Variants in ALDH1L2 observed in about 807,000 individuals in gnomAD.
ALDH1L2 encodes aldehyde dehydrogenase 1 family member L2.
Under a neutral mutation model 111.0 loss-of-function variants are expected in ALDH1L2, and 91 were observed. The observed-to-expected ratio is 0.82, with a 90% CI of 0.69 to 0.98. The LOEUF (loss-of-function observed/expected upper bound fraction) is 0.98, where lower values mean the gene tolerates loss of function less well. Among genes scored for constraint, ALDH1L2 ranks in the 50% least tolerant of loss-of-function variants. The probability of loss-of-function intolerance (pLI) is 0.00; values close to 1 mark genes in which losing one functional copy is unlikely to be tolerated. For synonymous variants in ALDH1L2, 374 were observed against 392.6 expected, an observed-to-expected ratio of 0.95 and a Z score of 0.56; for missense variants, 995 against 1,126.8, an observed-to-expected ratio of 0.88 and a Z score of 1.67.
intron 2 of ALDH1L2, among the ~76,000 whole-genome samples, chr12:105,071,251 C>G (rs1372766913): frequency 6.6e-6 from 1 of 152,180 alleles, no homozygotes; most frequent in African/African-American, 2.4e-5. Context: ...ACACATTCTC[C>G]CTGCCAAACA....
At chr12:105,050,632 C>T (rs118150892) in intron 12 of ALDH1L2, 7,939 of 443,272 alleles carry the variant, frequency 0.018, 262 homozygotes, top group Admixed American at 0.096. Context: ...CCTTTGGGGC[C>T]ACTCTAGAGT....
chr12:105,079,370 A>T (rs1457741633), intron 1 of ALDH1L2, among the ~76,000 whole-genome samples: 2 of 152,234 alleles, frequency 1.3e-5, no homozygotes, highest in African/African-American at 4.8e-5. Context: ...CATTATATAA[A>T]GAAGATATCA....
At chr12:105,054,605 T>C (rs1004565352) in intron 10 of ALDH1L2, among the ~76,000 whole-genome samples, 3 of 152,204 alleles carry the variant, frequency 2.0e-5, no homozygotes, top group Admixed American at 6.5e-5. Context: ...CTGGAGCTCT[T>C]CACAAGCCTC....
At chr12:105,064,115 T>C (rs1277285540) in intron 6 of ALDH1L2, among the ~76,000 whole-genome samples, 1 of 11,144 alleles carries the variant, frequency 9.0e-5, no homozygotes, top group African/African-American at 3.9e-4. Context: ...CACACCGAGC[T>C]TTTTTTTTTT....
chr12:105,084,277 A>G, intron 1 of ALDH1L2, 112 bp downstream of exon 1: 2 of 1,226,438 alleles, frequency 1.6e-6, no homozygotes, highest in Non-Finnish European at 1.1e-6. Context: ...GGTGTTTAGC[A>G]AAGTCTAAGC....
intron 6 of ALDH1L2, among the ~76,000 whole-genome samples, chr12:105,063,292 C>T (rs987723840): frequency 4.6e-5 from 7 of 152,012 alleles, no homozygotes; most frequent in Non-Finnish European, 8.8e-5. Context: ...TTGGCTAACA[C>T]GGTGAAACCC....
At chr12:105,044,690 C>CA (rs1875737396) in intron 15 of ALDH1L2, among the ~76,000 whole-genome samples, 1 of 151,074 alleles carries the variant, frequency 6.6e-6, no homozygotes, top group Admixed American at 6.6e-5. Flanking sequence ...TATCTTTTAA[C>CA]TGAGGGATTC....
chr12:105,058,028 A>G (rs983878248), intron 10 of ALDH1L2, 45 bp downstream of exon 10: 1 of 1,588,578 alleles, frequency 6.3e-7, no homozygotes, highest in Non-Finnish European at 8.5e-7. Flanking sequence ...TTTATAGTGT[A>G]TGGATCTCAC....
chr12:105,052,343 G>T, intron 11 of ALDH1L2, 126 bp from the exon 12 acceptor site: 1 of 969,540 alleles, frequency 1.0e-6, no homozygotes, highest in Non-Finnish European at 1.4e-6. Context: ...TAAGAAATGA[G>T]TATATCTAGT....
Position 105,061,305 on chromosome 12 carries a change from C to T in ALDH1L2, c.1048-233G>A, listed in dbSNP as rs188763097. 1.1e-4 allele frequency among the ~76,000 whole-genome samples: 16 copies of T among 152,316 alleles called. 1 individual carries two copies. Among genetic ancestry groups the T allele is most frequent in the Admixed American group, 5.9e-4 (9 of 15,304 alleles). The stretch of plus-strand genomic sequence containing the variant: ...TGTAAACCTCCTCCACGCCATTCTA[C>T]ATGCTCCTTTGCCCTTCTGGCTGTC... On this transcript the variant is annotated intron_variant, in intron 8 of 22. Transcript: ENST00000258494.
chr12:105,062,747 T>C (rs17036625), intron 7 of ALDH1L2, 141 bp downstream of exon 7: 161,577 of 1,050,088 alleles, frequency 0.15, 13,096 homozygotes, highest in East Asian at 0.2. Context: ...GGGGCCCATC[T>C]TGAGACACCT....
intron 6 of ALDH1L2, 80 bp downstream of exon 6, chr12:105,065,187 A>G: frequency 1.2e-6 from 1 of 821,410 alleles, no homozygotes; most frequent in Non-Finnish European, 1.9e-6. Context: ...GAACCATGGG[A>G]AGCCCAGATT....
At position 105,066,629 on chromosome 12, in the gene ALDH1L2, C is replaced by G. The variant is rs753041924; in HGVS notation, c.635G>C (p.Arg212Pro). 6.3e-5 allele frequency: 101 copies of G among 1,613,994 alleles called. No individual in the cohort carries two copies. The highest frequency in any genetic ancestry group is 8.4e-5 in the Non-Finnish European group (99 of 1,180,040). The change falls in exon 5 of 23, where the codon CGT (arginine) becomes CCT (proline). Residue 212 changes from arginine (R) to proline (P), a missense_variant. Transcript: ENST00000258494. ...TGCCCCTTCTTCTGGCTGGGGTATA[C>G]GAGGAGCTTTTCCATCAGCTATGAG... ...VQLIADGKAP[R>P]IPQPEEGATY...
chr12:105,074,350 C>G (rs769969653), intron 1 of ALDH1L2, among the ~76,000 whole-genome samples: 1 of 149,024 alleles, frequency 6.7e-6, no homozygotes, highest in African/African-American at 2.5e-5. Flanking sequence ...CCCAGCTACT[C>G]AGGAGGCTGA....
chr12:105,065,052 A>G (rs1877262219), intron 6 of ALDH1L2, among the ~76,000 whole-genome samples: 1 of 151,804 alleles, frequency 6.6e-6, no homozygotes, highest in South Asian at 2.1e-4. Flanking sequence ...ACTTCTCTGC[A>G]CTCCCCATAA....
At chr12:105,071,932 AC>A (rs1304693403) in intron 2 of ALDH1L2, among the ~76,000 whole-genome samples, 1 of 150,254 alleles carries the variant, frequency 6.7e-6, no homozygotes, top group Non-Finnish European at 1.5e-5. Context: ...TACCAAAAAA[AC>A]AAAAATTATT....
chr12:105,041,557 A>G (rs2136062707), intron 15 of ALDH1L2, among the ~76,000 whole-genome samples: 1 of 152,194 alleles, frequency 6.6e-6, no homozygotes, highest in African/African-American at 2.4e-5. Flanking sequence ...GTGGGGAGAT[A>G]CTCCTCAAAT....
intron 15 of ALDH1L2, among the ~76,000 whole-genome samples, chr12:105,042,129 C>A (rs1463269675): frequency 1.3e-5 from 2 of 152,054 alleles, no homozygotes; most frequent in Non-Finnish European, 2.9e-5. Flanking sequence ...CCCTCATATA[C>A]CTATATCCAT....
At chr12:105,065,108 A>C in intron 6 of ALDH1L2, among the ~76,000 whole-genome samples, 159 bp downstream of exon 6, 1 of 152,096 alleles carries the variant, frequency 6.6e-6, no homozygotes, top group Non-Finnish European at 1.5e-5. Context: ...TGTCTGCTGC[A>C]CAATAAATGC....
Sources: gnomAD v4.1 joint callset for allele counts (sites outside exome capture counted in the v4.1 genomes callset) on GRCh38, gnomAD v4.1.1 for gene constraint, MANE v1.5 for transcripts, NCBI Gene and HGNC (gene_info 2026-07-23, HGNC 2026-07-21) for gene names.